The following CAMTA1 variants were observed in gnomAD, a reference collection of about 807,000 sequenced individuals.
CAMTA1 encodes the protein calmodulin-binding transcription activator 1.
Under a neutral mutation model 170.9 loss-of-function variants are expected in CAMTA1, and 27 were observed. The ratio of observed to expected loss-of-function variants is 0.16; its 90% CI spans 0.12 to 0.22. The LOEUF (loss-of-function observed/expected upper bound fraction) is 0.22. CAMTA1 is among the 10% of genes least tolerant of loss of function. The pLI, the probability that CAMTA1 is intolerant of heterozygous loss-of-function variation, is 1.00. For synonymous variants in CAMTA1, 833 were observed against 891.5 expected, an observed-to-expected ratio of 0.93 and a Z score of 1.17; for missense variants, 1,619 against 2,217.2, an observed-to-expected ratio of 0.73 and a Z score of 5.42.
chr1:7,496,931 G>A (rs960734890), intron 6 of CAMTA1, among the ~76,000 whole-genome samples: 4 of 152,050 alleles, frequency 2.6e-5, no homozygotes, highest in South Asian at 2.1e-4. Flanking sequence ...AGCAGCCACC[G>A]AGACACTCTC....
At chr1:6,853,329 G>C (rs1661127209) in intron 3 of CAMTA1, 1 of 152,136 alleles carries the variant, frequency 6.6e-6, no homozygotes, top group African/African-American at 2.4e-5. Flanking sequence ...TCATTGCCCA[G>C]GAAGTGGTAA....
chr1:6,997,656 C>CT (rs201500847), intron 3 of CAMTA1, among the ~76,000 whole-genome samples: 24,110 of 128,262 alleles, frequency 0.19, 2,606 homozygotes, highest in South Asian at 0.26. Context: ...CCTTTCTTTT[C>CT]TTTCTTTTTT....
intron 5 of CAMTA1, among the ~76,000 whole-genome samples, chr1:7,265,921 G>T (rs10779680): frequency 4.4e-4 from 67 of 152,154 alleles, no homozygotes; most frequent in Non-Finnish European, 8.7e-4. Context: ...TCAGTGACAA[G>T]GGTAGGGCTT....
At chr1:7,671,986 G>A (rs1329166485) in intron 10 of CAMTA1, 2 of 455,974 alleles carry the variant, frequency 4.4e-6, no homozygotes, top group African/African-American at 4.0e-5. Flanking sequence ...CCTGTTTCTA[G>A]AGCTCATGTC....
intron 3 of CAMTA1, among the ~76,000 whole-genome samples, chr1:7,011,129 T>C (rs6577401): frequency 0.64 from 96,860 of 152,192 alleles, 32,289 homozygotes; most frequent in African/African-American, 0.85. Context: ...AGGAAGCCAC[T>C]GCAGACTTGG....
chr1:7,022,942 G>A (rs1435882352), intron 3 of CAMTA1, among the ~76,000 whole-genome samples: 1 of 152,182 alleles, frequency 6.6e-6, no homozygotes. Context: ...TAGAGTGCAA[G>A]TCGAGTGGCC....
At chr1:7,346,011 A>G (rs1350633772) in intron 5 of CAMTA1, among the ~76,000 whole-genome samples, 1 of 152,202 alleles carries the variant, frequency 6.6e-6, no homozygotes, top group Non-Finnish European at 1.5e-5. Context: ...CCTAAATACC[A>G]GAGAAGTCCA....
Position 7,738,490 on chromosome 1 carries a change from G to T in CAMTA1, c.4182+8G>T, listed in dbSNP as rs748240599. On this transcript the variant is annotated splice_region_variant and intron_variant, in intron 16 of 22. Coordinates refer to ENST00000303635, the MANE Select transcript of CAMTA1 (RefSeq NM_015215.4). The surrounding 1 kb of genome is among the most constrained non-coding windows in gnomAD (Gnocchi z 4.9). Reference sequence around the variant, plus strand: ...CCCATGGATGACATACAGGTAAAAAGCAGGGACAGGGTAAGCCCGCAGAGG... The same window carrying T: ...CCCATGGATGACATACAGGTAAAAATCAGGGACAGGGTAAGCCCGCAGAGG... 6.2e-7 allele frequency: 1 copy of T among 1,611,054 alleles called. No individual in the cohort carries two copies. Among genetic ancestry groups the T allele is most frequent in the Non-Finnish European group, 8.5e-7 (1 of 1,178,002 alleles).
chr1:7,741,190 T>C (rs1229164735), intron 16 of CAMTA1, among the ~76,000 whole-genome samples: 1 of 151,786 alleles, frequency 6.6e-6, no homozygotes, highest in Non-Finnish European at 1.5e-5. Context: ...GTATGAAAGC[T>C]CTCGGGTTCA....
chr1:7,602,999 A>T (rs961963161), intron 6 of CAMTA1, among the ~76,000 whole-genome samples: 1 of 152,158 alleles, frequency 6.6e-6, no homozygotes, highest in African/African-American at 2.4e-5. Context: ...TTCTAGTTTG[A>T]TTGCACTGTG....
chr1:7,249,821 CTGGA>C lies in CAMTA1; in HGVS notation c.438+197_438+200del, dbSNP rs1200908283. Among the ~76,000 whole-genome samples the C allele has an allele frequency of 6.6e-6, 1 of 152,204 alleles. No homozygotes were observed. The highest frequency in any genetic ancestry group is 1.5e-5 in the Non-Finnish European group (1 of 68,040). ...GTCTCCATTCAAGTTTTCAGTGAAA[CTGGA>C]TTGAACTAAAGCACTCCTGTTTCTT... On this transcript the variant is annotated intron_variant, in intron 5 of 22. Transcript: ENST00000303635. This position sits in a 1 kb window ranked among gnomAD's most constrained non-coding sequence, Gnocchi z 4.4.
chr1:7,696,357 GCTA>G lies in CAMTA1; in HGVS notation c.2914+18627_2914+18629del, dbSNP rs566098381. On this transcript the variant is annotated intron_variant, in intron 11 of 22. Coordinates refer to ENST00000303635, the MANE Select transcript of CAMTA1 (RefSeq NM_015215.4). ...ACTACAGGCACCACCACCACACCTG[GCTA>G]CTTTTTTGTATTTTTAGTAGAGACA... Among the ~76,000 whole-genome samples, 8 of 152,100 alleles carry G rather than the reference GCTA, an allele frequency of 5.3e-5. No homozygotes were observed. In the South Asian group the frequency reaches 1.0e-3, roughly 20 times the overall value.
intron 4 of CAMTA1, among the ~76,000 whole-genome samples, chr1:7,120,180 T>C (rs1226497773): frequency 6.6e-6 from 1 of 152,214 alleles, no homozygotes; most frequent in Admixed American, 6.5e-5. Context: ...CTGAGTGGCA[T>C]AACACAACAC....
intron 3 of CAMTA1, among the ~76,000 whole-genome samples, chr1:7,018,506 A>C (rs997823602): frequency 1.3e-5 from 2 of 152,068 alleles, no homozygotes; most frequent in Non-Finnish European, 2.9e-5. Flanking sequence ...GGAGAACTCT[A>C]TGGCCATTTT....
At chr1:7,502,813 G>A (rs892659721) in intron 6 of CAMTA1, among the ~76,000 whole-genome samples, 4 of 152,210 alleles carry the variant, frequency 2.6e-5, no homozygotes, top group Admixed American at 1.3e-4. Context: ...TACGTTTCCA[G>A]AGATCACCCC....
chr1:6,937,129 A>G (rs1685453802), intron 3 of CAMTA1, among the ~76,000 whole-genome samples: 1 of 150,020 alleles, frequency 6.7e-6, no homozygotes, highest in African/African-American at 2.5e-5. Flanking sequence ...TTCACCATTT[A>G]CCACCACCAT....
intron 4 of CAMTA1, among the ~76,000 whole-genome samples, chr1:7,155,006 CT>C (rs893886385): frequency 6.6e-5 from 10 of 152,198 alleles, no homozygotes; most frequent in Non-Finnish European, 1.5e-4. Flanking sequence ...AGAACATCCC[CT>C]GACCAGTTTG....
chr1:6,810,439 C>A (rs1376076883), intron 1 of CAMTA1, among the ~76,000 whole-genome samples: 2 of 152,190 alleles, frequency 1.3e-5, no homozygotes, highest in Non-Finnish European at 2.9e-5. Flanking sequence ...CTGCCCATTA[C>A]CTTTGCCATG....
In CAMTA1 at chr1:7,333,713, A is replaced by G. The variant is rs10864295; in HGVS notation, c.438+84087A>G. On this transcript the variant is annotated intron_variant, in intron 5 of 22. Transcript: ENST00000303635. This position sits in a 1 kb window ranked among gnomAD's most constrained non-coding sequence, Gnocchi z 4.4. ...CATCCCGGTGATCTGTGTGCCTTGC[A>G]GGGGCGTGGAGCCTGGTGTATTTAC... Among the ~76,000 whole-genome samples the G allele has an allele frequency of 0.28, 43,063 of 152,136 alleles. 6,593 individuals carry two copies. Among genetic ancestry groups the G allele is most frequent in the East Asian group, 0.57 (2,958 of 5,160 alleles).
Sources: allele counts gnomAD v4.1 joint callset (sites outside exome capture counted in the v4.1 genomes callset), GRCh38; gene constraint gnomAD v4.1.1; non-coding constraint Gnocchi (gnomAD v3.1); transcripts MANE v1.5; gene names NCBI Gene and HGNC (gene_info 2026-07-23, HGNC 2026-07-21).